GCC2: variants seen among roughly 807,000 people sequenced by gnomAD.
GCC2 encodes the protein GRIP and coiled-coil domain containing 2.
In GCC2, 120 loss-of-function variants were observed where a neutral mutation model predicts 210.6. That is an observed-to-expected ratio of 0.57 (90% CI 0.49 to 0.66). The LOEUF is 0.66. Ranked by LOEUF, GCC2 falls within the 30% of genes least tolerant of loss-of-function variation. The pLI, the probability that GCC2 is intolerant of heterozygous loss-of-function variation, is 0.00. For missense variants in GCC2, 1,868 were observed against 1,871.9 expected (o/e 1.00, Z 0.04); for synonymous variants, 703 against 652.7 (o/e 1.08, Z -1.17).
At chr2:108,488,133 C>T (rs1349568611) in intron 17 of GCC2, among the ~76,000 whole-genome samples, 1 of 152,074 alleles carries the variant, frequency 6.6e-6, no homozygotes, top group Non-Finnish European at 1.5e-5. Flanking sequence ...TCTCAAACTC[C>T]TGACCTCAGA....
intron 3 of GCC2, among the ~76,000 whole-genome samples, chr2:108,451,513 C>A (rs1003491929): frequency 2.6e-5 from 4 of 152,090 alleles, no homozygotes; most frequent in Non-Finnish European, 5.9e-5. Context: ...AAAAGACTTC[C>A]ATTTACAGAT....
At position 108,482,327 on chromosome 2, in the gene GCC2, G is replaced by A. The variant is rs761805619; in HGVS notation, c.3221G>A (p.Arg1074His). The A allele has an allele frequency of 6.9e-6, 11 of 1,591,756 alleles. No individual in the cohort carries two copies. The highest frequency in any genetic ancestry group is 4.5e-5 in the East Asian group (2 of 44,648). Residue 1074 changes from arginine to histidine, a missense_variant, in exon 11 of 23, where the codon CGT (arginine) becomes CAT (histidine). By Grantham distance (29) the Arg-to-His change is conservative (BLOSUM62 0). Transcript: ENST00000309863. ...INSDNEDLLA[R>H]IETLQSNAKL... The stretch of plus-strand genomic sequence containing the variant: ...TCTGATAATGAAGATCTCCTGGCTC[G>A]TATTGAGACATTACAGTCTAATGCC...
At chr2:108,455,310 C>T (rs575335966) in intron 4 of GCC2, among the ~76,000 whole-genome samples, 7 of 152,214 alleles carry the variant, frequency 4.6e-5, no homozygotes, top group Admixed American at 1.3e-4. Context: ...CATGGTGGCA[C>T]GCGCCTATAG....
rs764466155 is a variant in GCC2, at chr2:108,470,562, A to G, written c.1233A>G (p.Leu411=). 1 of 1,607,860 alleles carries G rather than the reference A, an allele frequency of 6.2e-7. No homozygotes were observed. Among genetic ancestry groups the G allele is most frequent in the Non-Finnish European group, 8.5e-7 (1 of 1,177,560 alleles). ...AATTAAAATCTGAGCTAGCAGGTTT[A>G]AATAAACAGTTTTGCTATACTGTAG... ...IEKLKSELAG[L]NKQFCYTVEQ... Residue 411 remains leucine, a synonymous_variant, in exon 6 of 23, where the codon TTA becomes TTG. Transcript: ENST00000309863.
intron 9 of GCC2, among the ~76,000 whole-genome samples, chr2:108,478,017 A>G (rs1681634052): frequency 6.6e-6 from 1 of 152,108 alleles, no homozygotes. Flanking sequence ...CTGCACCCCT[A>G]CAAAGGAAAA....
At chr2:108,500,076 AAAAAACATTTATTAGCTT>A (rs1309783300) in intron 22 of GCC2, among the ~76,000 whole-genome samples, 7 of 151,982 alleles carry the variant, frequency 4.6e-5, no homozygotes, top group Non-Finnish European at 1.0e-4. Flanking sequence ...TCTACTTTTT[AAAAAACATTTATTAGCTT>A]GTTCCTTTTC....
At chr2:108,478,979 G>A (rs1469066372) in intron 9 of GCC2, among the ~76,000 whole-genome samples, 1 of 152,092 alleles carries the variant, frequency 6.6e-6, no homozygotes, top group African/African-American at 2.4e-5. Context: ...GATTGCCTGA[G>A]GTCAGGAGTT....
At chr2:108,450,862 A>T (rs919060384) in intron 2 of GCC2, among the ~76,000 whole-genome samples, 166 bp from the exon 3 acceptor site, 8 of 152,238 alleles carry the variant, frequency 5.3e-5, no homozygotes, top group Non-Finnish European at 7.3e-5. Flanking sequence ...GGCCTGGGCA[A>T]TAGAGCGAGA....
Position 108,485,652 on chromosome 2 carries a change from A to T in GCC2, c.3630A>T (p.Ser1210=). 6.4e-7 allele frequency: 1 copy of T among 1,562,248 alleles called. No individual in the cohort carries two copies. The highest frequency in any genetic ancestry group is 8.7e-7 in the Non-Finnish European group (1 of 1,151,466). The change falls in exon 14 of 23, where the codon TCA becomes TCT. Residue 1210 remains serine, a synonymous_variant. Coordinates refer to ENST00000309863, the MANE Select transcript of GCC2 (RefSeq NM_181453.4). ...TTGTGCTAGCTTCATTACAGTCTTC[A>T]GTACAACAATATGAAGAAAAAAACA... ...LQEEITSLQS[S]VQQYEEKNTK... is the part of the protein sequence containing the mutation.
intron 4 of GCC2, among the ~76,000 whole-genome samples, chr2:108,467,781 T>C (rs570229825): frequency 2.0e-5 from 3 of 152,358 alleles, no homozygotes; most frequent in African/African-American, 7.2e-5. Context: ...GCTGATTTTA[T>C]AGAATAACTT....
At chr2:108,490,910 GT>G (rs1347614160) in intron 18 of GCC2, among the ~76,000 whole-genome samples, 1 of 152,086 alleles carries the variant, frequency 6.6e-6, no homozygotes, top group African/African-American at 2.4e-5. Flanking sequence ...TTCAGTAAGT[GT>G]TTTTTGAGCA....
intron 4 of GCC2, among the ~76,000 whole-genome samples, chr2:108,461,566 C>T (rs576637049): frequency 1.8e-4 from 27 of 152,138 alleles, no homozygotes; most frequent in African/African-American, 4.8e-4. Flanking sequence ...AGTGCAGTGG[C>T]GCAATCTTGG....
At chr2:108,493,019 T>C (rs1682480803) in intron 19 of GCC2, among the ~76,000 whole-genome samples, 1 of 152,234 alleles carries the variant, frequency 6.6e-6, no homozygotes, top group African/African-American at 2.4e-5. Flanking sequence ...ATGCTGACTT[T>C]GATGTATTCC....
chr2:108,486,015 T>C, intron 15 of GCC2, 107 bp downstream of exon 15: 1 of 582,746 alleles, frequency 1.7e-6, no homozygotes, highest in Non-Finnish European at 3.0e-6. Flanking sequence ...GAAAGATTCC[T>C]CAACATTTTG....
Position 108,487,743 on chromosome 2 carries a change from C to T in GCC2, c.3975C>T (p.Val1325=). 1 of 1,612,946 alleles carries T rather than the reference C, an allele frequency of 6.2e-7. No individual in the cohort carries two copies. Among genetic ancestry groups the T allele is most frequent in the South Asian group, 1.1e-5 (1 of 91,054 alleles). The change falls in exon 17 of 23, where the codon GTC becomes GTT. Residue 1325 remains valine (V), a synonymous_variant. Coordinates refer to ENST00000309863, the MANE Select transcript of GCC2 (RefSeq NM_181453.4). ...TVTSEFESYK[V]RVHNVLKQQK... is the part of the protein sequence containing the mutation. ...CCTCTGAATTCGAGAGCTACAAAGT[C>T]CGAGTTCATAATGTTCTAAAACAAC...
chr2:108,497,210 A>C, intron 21 of GCC2, 101 bp downstream of exon 21: 1 of 1,585,012 alleles, frequency 6.3e-7, no homozygotes, highest in Non-Finnish European at 8.6e-7. Flanking sequence ...TCCACCTCCC[A>C]GGTTCACGCC....
At chr2:108,491,300 G>T (rs772251265) in intron 18 of GCC2, among the ~76,000 whole-genome samples, 12 of 152,116 alleles carry the variant, frequency 7.9e-5, no homozygotes, top group Non-Finnish European at 7.4e-5. Flanking sequence ...AAATGTCAGT[G>T]ATACTGCCTG....
intron 9 of GCC2, among the ~76,000 whole-genome samples, chr2:108,476,919 A>G (rs2104465394): frequency 6.6e-6 from 1 of 152,314 alleles, no homozygotes; most frequent in East Asian, 1.9e-4. Flanking sequence ...ATTTGATGAA[A>G]AAAAATATCC....
chr2:108,461,085 T>C (rs1050011201), intron 4 of GCC2, among the ~76,000 whole-genome samples: 3 of 152,230 alleles, frequency 2.0e-5, no homozygotes, highest in Admixed American at 6.5e-5. Flanking sequence ...GATAGTTCTT[T>C]ACAGCAGTGC....
Sources: allele counts gnomAD v4.1 joint callset (sites outside exome capture counted in the v4.1 genomes callset), GRCh38; gene constraint gnomAD v4.1.1; transcripts MANE v1.5; gene names NCBI Gene and HGNC (gene_info 2026-07-23, HGNC 2026-07-21).